Variants in LOXL1 observed in about 807,000 individuals in gnomAD.
LOXL1 encodes the protein lysyl oxidase like 1.
Under a neutral mutation model 62.2 loss-of-function variants are expected in LOXL1, and 31 were observed. That is an observed-to-expected ratio of 0.50 (90% CI 0.37 to 0.67). The LOEUF is 0.67. LOXL1 is among the 30% of genes least tolerant of loss of function. LOXL1 has a pLI of 0.00. For missense variants in LOXL1, 775 were observed against 843.4 expected, an observed-to-expected ratio of 0.92 and a Z score of 1.00; for synonymous variants, 403 against 384.4, an observed-to-expected ratio of 1.05 and a Z score of -0.56.
intron 1 of LOXL1, among the ~76,000 whole-genome samples, chr15:73,935,283 C>T (rs1238149848): frequency 6.6e-6 from 1 of 152,028 alleles, no homozygotes; most frequent in East Asian, 1.9e-4. Context: ...TGGAGGAAGC[C>T]AGCTTTAGGG....
Position 73,927,276 on chromosome 15 carries a change from A to G in LOXL1, c.493A>G (p.Ser165Gly). ...CTCGGTCTCGGCTTCGGCCTTCGCC[A>G]GCACCTACCGCCAGCAGCCCTCCTA... Reference protein sequence around the residue: ...ASSVSASAFASTYRQQPSYPQ... With the variant: ...ASSVSASAFAGTYRQQPSYPQ... Residue 165 changes from serine (S) to glycine (G), a missense_variant, in exon 1 of 7, where the codon AGC becomes GGC. Ser to Gly is a moderately conservative substitution (Grantham distance 56, BLOSUM62 0). Transcript: ENST00000261921. The G allele has an allele frequency of 1.2e-6, 2 of 1,602,706 alleles. No homozygotes were observed. The highest frequency in any genetic ancestry group is 1.7e-6 in the Non-Finnish European group (2 of 1,177,490).
chr15:73,949,447 C>G lies in LOXL1; in HGVS notation c.1603-12C>G, dbSNP rs559863082. 458 of 1,542,332 alleles carry G rather than the reference C, an allele frequency of 3.0e-4. 5 individuals carry two copies. The South Asian group carries it at 5.0e-3, about 17-fold the overall frequency. On this transcript the variant is annotated splice_polypyrimidine_tract_variant and intron_variant, in intron 5 of 6. Coordinates refer to ENST00000261921, the MANE Select transcript of LOXL1 (RefSeq NM_005576.4). Reference sequence around the variant, plus strand: ...CTAGACTCCCTTTCTCCCTGTTTCTCTTCTTCCTCAGGTGCACGTGAACCC... The same window carrying G: ...CTAGACTCCCTTTCTCCCTGTTTCTGTTCTTCCTCAGGTGCACGTGAACCC...
At chr15:73,935,979 G>A (rs958085853) in intron 1 of LOXL1, among the ~76,000 whole-genome samples, 4 of 149,698 alleles carry the variant, frequency 2.7e-5, no homozygotes, top group South Asian at 2.1e-4. Flanking sequence ...GTGTGTACGC[G>A]CATGCACATG....
At position 73,927,274 on chromosome 15, in the gene LOXL1, C is replaced by G; in HGVS notation, c.491C>G (p.Ala164Gly). 1 of 1,602,820 alleles carries G rather than the reference C, an allele frequency of 6.2e-7. No homozygotes were observed. The highest frequency in any genetic ancestry group is 8.5e-7 in the Non-Finnish European group (1 of 1,177,618). The change falls in exon 1 of 7, where the codon GCC becomes GGC. Residue 164 changes from alanine to glycine, a missense_variant. Coordinates refer to ENST00000261921, the MANE Select transcript of LOXL1 (RefSeq NM_005576.4). Reference protein sequence around the residue: ...SASSVSASAFASTYRQQPSYP... With the variant: ...SASSVSASAFGSTYRQQPSYP... The stretch of plus-strand genomic sequence containing the variant: ...TCCTCGGTCTCGGCTTCGGCCTTCG[C>G]CAGCACCTACCGCCAGCAGCCCTCC...
In LOXL1 at chr15:73,946,446, A is replaced by ACGATGTG; in HGVS notation, c.1244_1250dup (p.Val418CysfsTer73). ...GCCTATGCCCCTGAGGCCACCGACT[A>ACGATGTG]CGATGTGCGGGTGCTACTGCGCTTC... On this transcript the variant is annotated frameshift_variant, in exon 3 of 7. Coordinates refer to ENST00000261921, the MANE Select transcript of LOXL1 (RefSeq NM_005576.4). LOFTEE classifies it high-confidence loss of function. The ACGATGTG allele has an allele frequency of 6.2e-7, 1 of 1,612,918 alleles. No individual in the cohort carries two copies. Among genetic ancestry groups the ACGATGTG allele is most frequent in the South Asian group, 1.1e-5 (1 of 90,972 alleles).
chr15:73,943,563 A>G (rs2068729270), intron 2 of LOXL1, among the ~76,000 whole-genome samples: 2 of 152,184 alleles, frequency 1.3e-5, no homozygotes, highest in South Asian at 2.1e-4. Flanking sequence ...ACCAGTTTCC[A>G]TGAACCTAGA....
At position 73,947,863 on chromosome 15, in the gene LOXL1, C is replaced by T. The variant is rs369758147; in HGVS notation, c.1563C>T (p.Ile521=). The T allele has an allele frequency of 4.3e-5, 70 of 1,613,790 alleles. No individual in the cohort carries two copies. The highest frequency in any genetic ancestry group is 5.7e-5 in the Non-Finnish European group (67 of 1,179,852). Residue 521 remains isoleucine (I), a synonymous_variant, in exon 5 of 7, where the codon ATC becomes ATT. Coordinates refer to ENST00000261921, the MANE Select transcript of LOXL1 (RefSeq NM_005576.4). ...ATGCGGACATCGACTGCCAGTGGATCGACATAACCGACGTGCAGCCTGGGA... is the reference window on the plus strand; with the variant it reads ...ATGCGGACATCGACTGCCAGTGGATTGACATAACCGACGTGCAGCCTGGGA... ...TYNADIDCQW[I]DITDVQPGNY... is the part of the protein sequence containing the mutation.
At chr15:73,950,115 GC>G (rs1321391298) in intron 6 of LOXL1, among the ~76,000 whole-genome samples, 3 of 151,936 alleles carry the variant, frequency 2.0e-5, no homozygotes, top group Non-Finnish European at 2.9e-5. Context: ...CAGTCCCTAG[GC>G]CCCCATTGTA....
At chr15:73,943,034 T>A (rs1350116803) in intron 2 of LOXL1, 72 bp downstream of exon 2, 1 of 1,208,220 alleles carries the variant, frequency 8.3e-7, no homozygotes, top group Non-Finnish European at 1.2e-6. Context: ...AGCCTAGCTG[T>A]GGCTGCCAGC....
At position 73,945,752 on chromosome 15, in the gene LOXL1, T is replaced by G. The variant is rs532146101; in HGVS notation, c.1212-665T>G. 6.6e-6 allele frequency among the ~76,000 whole-genome samples: 1 copy of G among 152,130 alleles called. No individual in the cohort carries two copies. Among genetic ancestry groups the G allele is most frequent in the Non-Finnish European group, 1.5e-5 (1 of 67,998 alleles). On this transcript the variant is annotated intron_variant, in intron 2 of 6. Coordinates refer to ENST00000261921, the MANE Select transcript of LOXL1 (RefSeq NM_005576.4). The surrounding 1 kb of genome is among the most constrained non-coding windows in gnomAD (Gnocchi z 4.3). Reference sequence around the variant, plus strand: ...TTTTAGAAAGGGGGTCTCACTCTGTTGCCCAGACTGGAGTGCAGCAGCACA... The same window carrying G: ...TTTTAGAAAGGGGGTCTCACTCTGTGGCCCAGACTGGAGTGCAGCAGCACA...
chr15:73,944,065 C>T (rs984573117), intron 2 of LOXL1, among the ~76,000 whole-genome samples: 1 of 152,182 alleles, frequency 6.6e-6, no homozygotes, highest in African/African-American at 2.4e-5. Context: ...TGCAAGTTCC[C>T]AATCCCATCC....
intron 2 of LOXL1, among the ~76,000 whole-genome samples, chr15:73,944,962 G>C (rs79975227): frequency 6.6e-6 from 1 of 152,164 alleles, no homozygotes; most frequent in Non-Finnish European, 1.5e-5. Context: ...CCTTAGGATC[G>C]GACCTTAATG....
At chr15:73,951,394 C>G (rs373664056) in intron 6 of LOXL1, among the ~76,000 whole-genome samples, 39 of 152,232 alleles carry the variant, frequency 2.6e-4, no homozygotes, top group South Asian at 1.5e-3. Flanking sequence ...GTGACCCTGA[C>G]CGCAGGCAGG....
chr15:73,947,505 C>T (rs1323778906), intron 4 of LOXL1: 8 of 493,206 alleles, frequency 1.6e-5, no homozygotes, highest in African/African-American at 1.5e-4. Context: ...CCTGTTCACC[C>T]ACCCATATCC....
Position 73,926,940 on chromosome 15 carries a change from A to C in LOXL1, c.157A>C (p.Ser53Arg), listed in dbSNP as rs1365852277. 1 of 1,561,882 alleles carries C rather than the reference A, an allele frequency of 6.4e-7. No homozygotes were observed. The highest frequency in any genetic ancestry group is 8.7e-7 in the Non-Finnish European group (1 of 1,155,000). Reference sequence around the variant, plus strand: ...GTGGGAGAACAACGGGCAGGTGTACAGCTTGCTCAACTCGGGCTCAGAGTA... The same window carrying C: ...GTGGGAGAACAACGGGCAGGTGTACCGCTTGCTCAACTCGGGCTCAGAGTA... ...IQWENNGQVY[S>R]LLNSGSEYVP... is the part of the protein sequence containing the mutation. Residue 53 changes from serine to arginine, a missense_variant, in exon 1 of 7, where the codon AGC (serine) becomes CGC (arginine). Coordinates refer to ENST00000261921, the MANE Select transcript of LOXL1 (RefSeq NM_005576.4).
At chr15:73,937,979 G>T (rs1051981933) in intron 1 of LOXL1, among the ~76,000 whole-genome samples, 1 of 152,190 alleles carries the variant, frequency 6.6e-6, no homozygotes, top group Non-Finnish European at 1.5e-5. Flanking sequence ...AGTTAGAGGT[G>T]ACCTGGAGGT....
intron 1 of LOXL1, among the ~76,000 whole-genome samples, chr15:73,940,999 G>T (rs528987663): frequency 6.6e-6 from 1 of 152,106 alleles, no homozygotes; most frequent in Admixed American, 6.5e-5. Flanking sequence ...CAAATGCTGG[G>T]TCTCCTGAGT....
In LOXL1 at chr15:73,927,110, C is replaced by T. The variant is rs1301603645; in HGVS notation, c.327C>T (p.Asp109=). The change falls in exon 1 of 7, where the codon GAC becomes GAT. Residue 109 remains aspartate (D), a synonymous_variant. Coordinates refer to ENST00000261921, the MANE Select transcript of LOXL1 (RefSeq NM_005576.4). ...SLPLPGRVGS[D]TVRGQARHPF... ...CCCTGCCGGGGCGCGTGGGCTCGGA[C>T]ACCGTGCGCGGCCAGGCGCGGCACC... 18 of 1,350,308 alleles carry T rather than the reference C, an allele frequency of 1.3e-5. No individual in the cohort carries two copies. Among genetic ancestry groups the T allele is most frequent in the Non-Finnish European group, 1.7e-5 (18 of 1,045,842 alleles). The allele number at this position is 1,350,308 out of a possible 1,614,324, so 83.6% of individuals were successfully genotyped here. A position where few individuals can be genotyped will look rare whatever the true frequency, so the allele number is the denominator to read the frequency against.
chr15:73,940,760 A>G (rs937817707), intron 1 of LOXL1, among the ~76,000 whole-genome samples: 47 of 152,224 alleles, frequency 3.1e-4, no homozygotes, highest in African/African-American at 5.5e-4. Context: ...GATCAGGCAC[A>G]GGGCTCAGTG....
Sources: gnomAD v4.1 joint callset for allele counts (sites outside exome capture counted in the v4.1 genomes callset) on GRCh38, gnomAD v4.1.1 for gene constraint, Gnocchi (gnomAD v3.1) non-coding constraint, MANE v1.5 for transcripts, NCBI Gene and HGNC (gene_info 2026-07-23, HGNC 2026-07-21) for gene names.